The following THSD4 variants were observed in gnomAD, a reference collection of about 807,000 sequenced individuals.
THSD4 encodes the protein thrombospondin type 1 domain containing 4, also known as thrombospondin type-1 domain-containing protein 4.
In THSD4, 69 loss-of-function variants were observed where a neutral mutation model predicts 119.0. The ratio of observed to expected loss-of-function variants is 0.58; its 90% CI spans 0.48 to 0.71. The LOEUF (loss-of-function observed/expected upper bound fraction) is 0.71, where lower values mean the gene tolerates loss of function less well. Among genes scored for constraint, THSD4 ranks in the 30% least tolerant of loss-of-function variants. THSD4 has a pLI of 0.00. For synonymous variants in THSD4, 524 were observed against 540.4 expected (o/e 0.97, Z 0.42); for missense variants, 1,393 against 1,391.1 (o/e 1.00, Z -0.02).
intron 3 of THSD4, chr15:71,165,545 A>T: frequency 1.4e-6 from 1 of 702,788 alleles, no homozygotes; most frequent in South Asian, 1.8e-5. Flanking sequence ...TTATGGATTA[A>T]CTTTCATAGC....
intron 8 of THSD4, among the ~76,000 whole-genome samples, chr15:71,702,177 G>C (rs909311195): frequency 6.6e-6 from 1 of 152,094 alleles, no homozygotes. Context: ...TTGAGGGCAG[G>C]CCTCGTCCAG....
rs190954946 is a variant in THSD4 at position 71,711,245 on chromosome 15, T to A, written c.1358-17304T>A. Among the ~76,000 whole-genome samples, 3 of 152,120 alleles carry A rather than the reference T, an allele frequency of 2.0e-5. No homozygotes were observed. In the East Asian group the frequency reaches 5.8e-4, roughly 29 times the overall value. On this transcript the variant is annotated intron_variant, in intron 8 of 17. Transcript: ENST00000261862. ...TTGAAAATAGGCTTTATTTTTTACA[T>A]CAGTTTTAGGTTCACGGAAAAACCG...
At chr15:71,106,528 A>G (rs1273591163) in intron 1 of THSD4, among the ~76,000 whole-genome samples, 1 of 152,190 alleles carries the variant, frequency 6.6e-6, no homozygotes, top group African/African-American at 2.4e-5. Context: ...CCCATGCAGG[A>G]ATTTATCCCT....
At chr15:71,514,030 T>A (rs553603617) in intron 7 of THSD4, among the ~76,000 whole-genome samples, 2 of 152,336 alleles carry the variant, frequency 1.3e-5, no homozygotes, top group Admixed American at 1.3e-4. Flanking sequence ...CTTACTTGTT[T>A]ACTTGCTTTA....
Position 71,444,807 on chromosome 15 carries a change from A to G in THSD4, c.1152+32984A>G, listed in dbSNP as rs74022140. Among the ~76,000 whole-genome samples the G allele has an allele frequency of 2.4e-3, 366 of 152,318 alleles. 1 individual carries two copies. The highest frequency in any genetic ancestry group is 8.6e-3 in the African/African-American group (359 of 41,566). Reference sequence around the variant, plus strand: ...CTTCTTTGGACCATTGCAGTGGTCTACTAACTAGTCTTCCTTCCTTTTCTT... The same window carrying G: ...CTTCTTTGGACCATTGCAGTGGTCTGCTAACTAGTCTTCCTTCCTTTTCTT... On this transcript the variant is annotated intron_variant, in intron 7 of 17. Transcript: ENST00000261862.
At chr15:71,226,009 C>T (rs2044015740) in intron 4 of THSD4, among the ~76,000 whole-genome samples, 1 of 152,082 alleles carries the variant, frequency 6.6e-6, no homozygotes, top group East Asian at 1.9e-4. Context: ...TTGGACAGCC[C>T]CCTTCCATGG....
chr15:71,731,355 G>A (rs2052976679), intron 10 of THSD4, 138 bp downstream of exon 10: 1 of 783,632 alleles, frequency 1.3e-6, no homozygotes, highest in African/African-American at 1.7e-5. Flanking sequence ...AAAGCCAAGG[G>A]GCCTTGACAT....
At chr15:71,155,644 G>A (rs1395517929) in intron 3 of THSD4, among the ~76,000 whole-genome samples, 1 of 152,170 alleles carries the variant, frequency 6.6e-6, no homozygotes, top group East Asian at 1.9e-4. Context: ...GAATGGAGGA[G>A]ACCAGTATGG....
intron 7 of THSD4, among the ~76,000 whole-genome samples, chr15:71,645,967 G>A (rs1198049433): frequency 5.9e-5 from 9 of 152,158 alleles, no homozygotes; most frequent in Admixed American, 5.2e-4. Flanking sequence ...CTTTCAGTGG[G>A]TGCTCTGCAC....
At chr15:71,199,620 G>GGTGTGTGGT in intron 3 of THSD4, among the ~76,000 whole-genome samples, 1 of 54,344 alleles carries the variant, frequency 1.8e-5, no homozygotes, top group Non-Finnish European at 3.4e-5. Context: ...GTGGTGTGTG[G>GGTGTGTGGT]GTGTGTGGTG....
intron 7 of THSD4, among the ~76,000 whole-genome samples, chr15:71,474,824 T>C (rs1040169392): frequency 1.3e-5 from 2 of 152,212 alleles, no homozygotes; most frequent in African/African-American, 4.8e-5. Context: ...GACCATCTCC[T>C]TCTGGATTCT....
chr15:71,713,537 C>A (rs1304917719), intron 8 of THSD4, among the ~76,000 whole-genome samples: 1 of 152,192 alleles, frequency 6.6e-6, no homozygotes, highest in Non-Finnish European at 1.5e-5. Context: ...GAATGTCTTC[C>A]ATCTAGCTTG....
intron 6 of THSD4, among the ~76,000 whole-genome samples, chr15:71,299,454 G>A (rs1329289554): frequency 6.6e-6 from 1 of 152,182 alleles, no homozygotes; most frequent in Non-Finnish European, 1.5e-5. Flanking sequence ...TATGCTAAGT[G>A]AAATAAGCCA....
intron 8 of THSD4, among the ~76,000 whole-genome samples, chr15:71,692,505 T>TTTAG (rs2052076472): frequency 6.6e-6 from 1 of 152,174 alleles, no homozygotes; most frequent in Non-Finnish European, 1.5e-5. Flanking sequence ...AGTTGGAAGA[T>TTTAG]TTAGCTCTGC....
chr15:71,341,878 T>C (rs987868535), intron 6 of THSD4, among the ~76,000 whole-genome samples: 2 of 152,174 alleles, frequency 1.3e-5, no homozygotes. Context: ...ATAATGACCT[T>C]AATGCTCTAA....
At chr15:71,352,939 G>T (rs936619792) in intron 6 of THSD4, among the ~76,000 whole-genome samples, 1 of 152,276 alleles carries the variant, frequency 6.6e-6, no homozygotes, top group Admixed American at 6.5e-5. Flanking sequence ...AAGCCCAAAC[G>T]TTCTGGGAAA....
At chr15:71,536,303 C>G (rs1245558438) in intron 7 of THSD4, among the ~76,000 whole-genome samples, 3 of 152,152 alleles carry the variant, frequency 2.0e-5, no homozygotes, top group African/African-American at 7.2e-5. Context: ...TTCCCAGGTC[C>G]CCTTCATCTT....
chr15:71,754,079 C>CTT (rs5813663), intron 14 of THSD4, among the ~76,000 whole-genome samples: 13 of 84,348 alleles, frequency 1.5e-4, no homozygotes, highest in African/African-American at 4.2e-4. Flanking sequence ...ACCTTTTATT[C>CTT]TTTTTTTTTT....
At chr15:71,292,496 C>T (rs994814650) in intron 6 of THSD4, among the ~76,000 whole-genome samples, 11 of 151,946 alleles carry the variant, frequency 7.2e-5, no homozygotes, top group African/African-American at 2.2e-4. Context: ...GTTCTCCTTT[C>T]TGTGGTATTT....
Sources: allele counts gnomAD v4.1 joint callset (sites outside exome capture counted in the v4.1 genomes callset), GRCh38; gene constraint gnomAD v4.1.1; transcripts MANE v1.5; gene names NCBI Gene and HGNC (gene_info 2026-07-23, HGNC 2026-07-21).